The following CYRIA variants were observed in gnomAD, a reference collection of about 807,000 sequenced individuals.
CYRIA encodes the protein CYFIP-related Rac1 interactor A.
CYRIA carries 15 observed loss-of-function variants against 43.9 expected under a neutral mutation model. The observed-to-expected ratio is 0.34, with a 90% CI of 0.23 to 0.53. CYRIA has a LOEUF of 0.53. Among genes scored for constraint, CYRIA ranks in the 20% least tolerant of loss-of-function variants. The probability of loss-of-function intolerance (pLI) is 0.94; values close to 1 mark genes in which losing one functional copy is unlikely to be tolerated. For synonymous variants in CYRIA, 117 were observed against 136.0 expected (o/e 0.86, Z 0.97); for missense variants, 236 against 394.2 (o/e 0.60, Z 3.40).
At chr2:16,608,745 G>A (rs1240344605) in intron 2 of CYRIA, among the ~76,000 whole-genome samples, 1 of 152,106 alleles carries the variant, frequency 6.6e-6, no homozygotes, top group Non-Finnish European at 1.5e-5. Flanking sequence ...AAGTATCTGC[G>A]CCCCCTGCCT....
intron 1 of CYRIA, among the ~76,000 whole-genome samples, chr2:16,638,973 T>G (rs959696520): frequency 2.0e-5 from 3 of 152,230 alleles, no homozygotes; most frequent in African/African-American, 7.2e-5. Flanking sequence ...TATTAAAGAT[T>G]AAGAAAACGA....
chr2:16,581,500 T>C (rs1164544292), intron 3 of CYRIA, among the ~76,000 whole-genome samples: 1 of 152,126 alleles, frequency 6.6e-6, no homozygotes. Context: ...TTGGCAGGAA[T>C]GTAAAATAGC....
chr2:16,587,351 C>T (rs540753624), intron 3 of CYRIA, among the ~76,000 whole-genome samples: 1 of 152,092 alleles, frequency 6.6e-6, no homozygotes, highest in Non-Finnish European at 1.5e-5. Flanking sequence ...GTTTTCTTCA[C>T]ATCTTTTTTC....
intron 3 of CYRIA, among the ~76,000 whole-genome samples, chr2:16,569,111 C>T (rs1477278400): frequency 2.0e-5 from 3 of 152,154 alleles, no homozygotes; most frequent in Non-Finnish European, 4.4e-5. Flanking sequence ...GTGAAGGGAC[C>T]TTTCAACAAA....
Position 16,610,928 on chromosome 2 carries a change from A to ATC in CYRIA, c.-11+12935_-11+12936insGA, listed in dbSNP as rs936162434. ...TATATATATATATATATATATATAT[A>ATC]TATATATATCCTGTATATCTTGCAT... On this transcript the variant is annotated intron_variant, in intron 2 of 11. Transcript: ENST00000381323. 8.1e-5 allele frequency among the ~76,000 whole-genome samples: 11 copies of ATC among 136,360 alleles called. 1 individual carries two copies. The highest frequency in any genetic ancestry group is 3.1e-5 in the Non-Finnish European group (2 of 64,870). The allele number at this position is 136,360 out of a possible 152,430, so 89.5% of individuals were successfully genotyped here. A position where few individuals can be genotyped will look rare whatever the true frequency, so the allele number is the denominator to read the frequency against.
chr2:16,571,004 T>C (rs1234423978), intron 3 of CYRIA, among the ~76,000 whole-genome samples: 2 of 152,190 alleles, frequency 1.3e-5, no homozygotes, highest in Non-Finnish European at 2.9e-5. Flanking sequence ...CAGAAACCAA[T>C]ACTTCCAGGA....
Position 16,650,261 on chromosome 2 carries a change from T to C in CYRIA, c.-167+15519A>G, listed in dbSNP as rs1238478483. ...ATGTTGGGGTCTGCTGAGACGAAAT[T>C]ATGTCAATTTTATGGATGACATCCC... On this transcript the variant is annotated intron_variant, in intron 1 of 11. Transcript: ENST00000381323. This position sits in a 1 kb window ranked among gnomAD's most constrained non-coding sequence, Gnocchi z 4.1. Among the ~76,000 whole-genome samples the C allele has an allele frequency of 6.6e-6, 1 of 152,206 alleles. No homozygotes were observed.
Position 16,549,989 on chromosome 2 carries a change from T to G in CYRIA, c.*2947A>C, listed in dbSNP as rs75512401. 3 of 60,522 alleles carry G rather than the reference T, an allele frequency of 5.0e-5. No individual in the cohort carries two copies. The highest frequency in any genetic ancestry group is 4.9e-4 in the South Asian group (1 of 2,022). 3.7% of individuals were successfully genotyped at this position (60,522 alleles called of 1,614,324 possible). A position where few individuals can be genotyped will look rare whatever the true frequency, so the allele number is the denominator to read the frequency against. On this transcript the variant is annotated 3_prime_UTR_variant, in exon 12 of 12. Coordinates refer to ENST00000381323, the MANE Select transcript of CYRIA (RefSeq NM_030797.4). Reference sequence around the variant, plus strand: ...TGTGAAGACATCCATTTCCAGTTGTTTTTTTTTTTTGTTATTGTTTTTTTT... The same window carrying G: ...TGTGAAGACATCCATTTCCAGTTGTGTTTTTTTTTTGTTATTGTTTTTTTT...
chr2:16,604,073 C>G (rs1668295390), intron 2 of CYRIA, among the ~76,000 whole-genome samples: 1 of 152,194 alleles, frequency 6.6e-6, no homozygotes, highest in South Asian at 2.1e-4. Flanking sequence ...CTCACGTCGT[C>G]AGGCCAGCGC....
intron 1 of CYRIA, among the ~76,000 whole-genome samples, chr2:16,653,811 A>C (rs1670032480): frequency 6.6e-6 from 1 of 152,222 alleles, no homozygotes; most frequent in Non-Finnish European, 1.5e-5. Flanking sequence ...AAGAAAGGGC[A>C]TTTTGAAAAC....
intron 1 of CYRIA, among the ~76,000 whole-genome samples, chr2:16,634,560 G>A (rs1053902341): frequency 6.6e-6 from 1 of 152,194 alleles, no homozygotes; most frequent in Non-Finnish European, 1.5e-5. Context: ...AACAGAAGAG[G>A]GGGATAACTC....
intron 2 of CYRIA, among the ~76,000 whole-genome samples, chr2:16,600,279 G>C (rs1477898973): frequency 6.6e-6 from 1 of 152,200 alleles, no homozygotes; most frequent in African/African-American, 2.4e-5. Flanking sequence ...AGTCCTAGGA[G>C]ATCTGCTTTA....
chr2:16,574,442 G>A (rs971820121), intron 3 of CYRIA, among the ~76,000 whole-genome samples: 2 of 152,344 alleles, frequency 1.3e-5, no homozygotes, highest in Non-Finnish European at 2.9e-5. Flanking sequence ...AAGTTACTAA[G>A]AGCCAAATGT....
intron 6 of CYRIA, 132 bp downstream of exon 6, chr2:16,561,873 A>G (rs1666747292): frequency 3.6e-6 from 3 of 828,064 alleles, no homozygotes; most frequent in South Asian, 1.9e-5. Context: ...ACCACATTAT[A>G]TGTCTCTCTA....
Position 16,561,842 on chromosome 2 carries a change from C to A in CYRIA, c.435+163G>T, listed in dbSNP as rs182236326. On this transcript the variant is annotated intron_variant, in intron 6 of 11. Transcript: ENST00000381323. ...AAATCATCATCTTAAATTACTTTTA[C>A]CACATGGAATGCAAATTCTCACCAC... Among the ~76,000 whole-genome samples the A allele has an allele frequency of 4.6e-5, 7 of 152,200 alleles. No individual in the cohort carries two copies. In the East Asian group the frequency reaches 1.4e-3, roughly 29 times the overall value.
intron 2 of CYRIA, among the ~76,000 whole-genome samples, chr2:16,604,625 C>T (rs1668326656): frequency 6.6e-6 from 1 of 152,208 alleles, no homozygotes; most frequent in Admixed American, 6.5e-5. Flanking sequence ...TTAAAAAATA[C>T]TTCTCATCTA....
chr2:16,564,446 C>T (rs570052099), intron 4 of CYRIA, among the ~76,000 whole-genome samples: 1 of 152,282 alleles, frequency 6.6e-6, no homozygotes, highest in South Asian at 2.1e-4. Context: ...ATTCTGTAGA[C>T]ATTTTGTTTA....
chr2:16,576,979 CAG>C (rs988497855), intron 3 of CYRIA, among the ~76,000 whole-genome samples: 69 of 152,090 alleles, frequency 4.5e-4, no homozygotes, highest in Non-Finnish European at 1.6e-4. Flanking sequence ...GTCATAGAAA[CAG>C]AGAGTGGAAT....
At chr2:16,583,202 A>G (rs1026524455) in intron 3 of CYRIA, among the ~76,000 whole-genome samples, 1 of 152,180 alleles carries the variant, frequency 6.6e-6, no homozygotes, top group Non-Finnish European at 1.5e-5. Flanking sequence ...TCTTTGATAG[A>G]TCAAGTTATT....
Sources: gnomAD v4.1 joint callset for allele counts (sites outside exome capture counted in the v4.1 genomes callset) on GRCh38, gnomAD v4.1.1 for gene constraint, Gnocchi (gnomAD v3.1) non-coding constraint, MANE v1.5 for transcripts, NCBI Gene and HGNC (gene_info 2026-07-23, HGNC 2026-07-21) for gene names.